BCAS3: variants seen among roughly 807,000 people sequenced by gnomAD.
The protein encoded by BCAS3 is BCAS4/BCAS3 fusion.
A neutral mutation model predicts 116.1 loss-of-function variants in BCAS3; 53 were observed. That is an observed-to-expected ratio of 0.46 (90% confidence interval 0.37 to 0.57). The LOEUF is 0.57. Among genes scored for constraint, BCAS3 ranks in the 20% least tolerant of loss-of-function variants. The pLI is 0.00. For synonymous variants in BCAS3, 391 were observed against 408.2 expected, an observed-to-expected ratio of 0.96 and a Z score of 0.51; for missense variants, 917 against 1,165.4, an observed-to-expected ratio of 0.79 and a Z score of 3.10.
rs1213049619 is a variant in BCAS3 at position 61,004,705 on chromosome 17, A to C, written c.1487-11046A>C. 5.9e-5 allele frequency among the ~76,000 whole-genome samples: 9 copies of C among 152,158 alleles called. No individual in the cohort carries two copies. The highest frequency in any genetic ancestry group is 1.0e-4 in the Non-Finnish European group (7 of 68,006). ...GAGGATGAGAAAAGGAAAAGGATTT[A>C]AGGTTCATTGAAAGAGTTATTAACA... On this transcript the variant is annotated intron_variant, in intron 15 of 23. Transcript: ENST00000407086. This position sits in a 1 kb window ranked among gnomAD's most constrained non-coding sequence, Gnocchi z 4.8.
At chr17:61,240,505 A>AT (rs2047420057) in intron 22 of BCAS3, among the ~76,000 whole-genome samples, 3 of 152,176 alleles carry the variant, frequency 2.0e-5, no homozygotes, top group African/African-American at 7.2e-5. Flanking sequence ...ACAAAAAAAA[A>AT]TAGCCAGGCG....
rs1050669261 is a variant in BCAS3, at chr17:61,323,050, T to G, written c.2426-45277T>G. Among the ~76,000 whole-genome samples, 1 of 151,816 alleles carries G rather than the reference T, an allele frequency of 6.6e-6. No homozygotes were observed. Among genetic ancestry groups the G allele is most frequent in the Admixed American group, 6.6e-5 (1 of 15,242 alleles). On this transcript the variant is annotated intron_variant, in intron 22 of 23. Transcript: ENST00000407086. This position sits in a 1 kb window ranked among gnomAD's most constrained non-coding sequence, Gnocchi z 4.6. ...GCCTTTTGAAAGTGCCACAGTTAAT[T>G]TGATTGAGCTGCTAAGCAGTTGGTT... is the stretch of plus-strand genomic sequence containing the variant.
chr17:60,698,927 G>A (rs1228926484), intron 4 of BCAS3, among the ~76,000 whole-genome samples: 1 of 152,032 alleles, frequency 6.6e-6, no homozygotes, highest in East Asian at 1.9e-4. Flanking sequence ...TGTGGTGGTG[G>A]GCATCTGTAA....
At chr17:60,895,426 T>C (rs991892344) in intron 10 of BCAS3, among the ~76,000 whole-genome samples, 4 of 152,200 alleles carry the variant, frequency 2.6e-5, no homozygotes, top group African/African-American at 9.6e-5. Context: ...TTTCTCATTT[T>C]GTTTATCTGG....
chr17:61,231,705 C>T (rs1046550989), intron 22 of BCAS3, among the ~76,000 whole-genome samples: 2 of 151,642 alleles, frequency 1.3e-5, no homozygotes, highest in Non-Finnish European at 2.9e-5. Flanking sequence ...AGCAAGACAC[C>T]GTCTCTACAA....
At chr17:60,701,242 C>CA (rs999807636) in intron 4 of BCAS3, among the ~76,000 whole-genome samples, 24 of 141,974 alleles carry the variant, frequency 1.7e-4, no homozygotes, top group East Asian at 1.0e-3. Flanking sequence ...AGTCTGTCTC[C>CA]AAAAAAAAAA....
intron 22 of BCAS3, among the ~76,000 whole-genome samples, chr17:61,121,345 A>G (rs2075779669): frequency 6.6e-6 from 1 of 152,114 alleles, no homozygotes; most frequent in Non-Finnish European, 1.5e-5. Context: ...TATGATGTCA[A>G]CATTGTATTA....
At chr17:61,149,595 G>A (rs2077436703) in intron 22 of BCAS3, among the ~76,000 whole-genome samples, 1 of 152,070 alleles carries the variant, frequency 6.6e-6, no homozygotes, top group African/African-American at 2.4e-5. Flanking sequence ...TTGTGAACAG[G>A]GGCAAGGGAG....
intron 7 of BCAS3, among the ~76,000 whole-genome samples, chr17:60,821,331 TAC>T (rs2049949053): frequency 2.3e-5 from 2 of 88,194 alleles, no homozygotes; most frequent in African/African-American, 2.9e-4. Context: ...TGTGAGGTCA[TAC>T]ATACATACAT....
At chr17:61,382,225 G>A (rs1387452447) in intron 23 of BCAS3, among the ~76,000 whole-genome samples, 1 of 151,616 alleles carries the variant, frequency 6.6e-6, no homozygotes, top group East Asian at 2.0e-4. Flanking sequence ...CTACTTGGGA[G>A]GCTGAGGAAG....
intron 12 of BCAS3, among the ~76,000 whole-genome samples, chr17:60,923,277 A>G (rs2059199727): frequency 6.6e-6 from 1 of 152,206 alleles, no homozygotes; most frequent in Admixed American, 6.5e-5. Context: ...TGTTTATGAT[A>G]TTGTATAGCA....
At position 61,364,558 on chromosome 17, in the gene BCAS3, A is replaced by G. The variant is rs1304159803; in HGVS notation, c.2426-3769A>G. Among the ~76,000 whole-genome samples, 2 of 152,190 alleles carry G rather than the reference A, an allele frequency of 1.3e-5. No individual in the cohort carries two copies. Among genetic ancestry groups the G allele is most frequent in the East Asian group, 1.9e-4 (1 of 5,192 alleles). ...TGGTGAAACCCCATCTTGACAAAAAATTAGCTGGGCATGGTGGTGCACACC... is the reference window on the plus strand; with the variant it reads ...TGGTGAAACCCCATCTTGACAAAAAGTTAGCTGGGCATGGTGGTGCACACC... On this transcript the variant is annotated intron_variant, in intron 22 of 23. Coordinates refer to ENST00000407086, the MANE Select transcript of BCAS3 (RefSeq NM_017679.5). This position sits in a 1 kb window ranked among gnomAD's most constrained non-coding sequence, Gnocchi z 5.4.
chr17:61,166,288 A>G (rs926128863), intron 22 of BCAS3, among the ~76,000 whole-genome samples: 2 of 151,850 alleles, frequency 1.3e-5, no homozygotes, highest in Admixed American at 6.6e-5. Context: ...GTTAAAAGGC[A>G]CTTCGTATCA....
intron 8 of BCAS3, among the ~76,000 whole-genome samples, chr17:60,872,873 C>T (rs9747010): frequency 3.0e-4 from 45 of 151,950 alleles, no homozygotes; most frequent in Non-Finnish European, 6.0e-4. Flanking sequence ...CTCTTTGGTT[C>T]CATTGACTCT....
In BCAS3 at chr17:61,141,958, G is replaced by T. The variant is rs1183356795; in HGVS notation, c.2425+57394G>T. Among the ~76,000 whole-genome samples, 1 of 150,334 alleles carries T rather than the reference G, an allele frequency of 6.7e-6. No homozygotes were observed. The highest frequency in any genetic ancestry group is 1.5e-5 in the Non-Finnish European group (1 of 67,802). ...TACAGAGATACTCAAGTTCTTGAAA[G>T]AAGTTTGTTGAGGATAAGATTTATT... On this transcript the variant is annotated intron_variant, in intron 22 of 23. Transcript: ENST00000407086. The surrounding 1 kb of genome is among the most constrained non-coding windows in gnomAD (Gnocchi z 4.3).
chr17:60,965,136 G>A (rs889024516), intron 14 of BCAS3, among the ~76,000 whole-genome samples: 1 of 151,612 alleles, frequency 6.6e-6, no homozygotes, highest in African/African-American at 2.4e-5. Context: ...TTCATTTGAA[G>A]CCTTTCATTT....
chr17:60,692,806 A>AATCATTTGAACCCAGGAGGTGGAGG (rs2035028628), intron 4 of BCAS3, among the ~76,000 whole-genome samples: 2 of 148,412 alleles, frequency 1.3e-5, no homozygotes, highest in Admixed American at 1.4e-4. Flanking sequence ...TGAGGAGGAG[A>AATCATTTGAACCCAGGAGGTGGAGG]ATCGTTTGAA....
chr17:61,002,824 A>G (rs2064345725), intron 15 of BCAS3: 1 of 152,000 alleles, frequency 6.6e-6, no homozygotes, highest in Non-Finnish European at 1.5e-5. Flanking sequence ...GAGTGATTAA[A>G]CTTCATTTTT....
At chr17:60,906,560 G>A (rs2058201601) in intron 11 of BCAS3, among the ~76,000 whole-genome samples, 3 of 152,240 alleles carry the variant, frequency 2.0e-5, no homozygotes, top group South Asian at 4.2e-4. Flanking sequence ...CCTACCTCCT[G>A]CTTCCTAGAA....
Sources: gnomAD v4.1 joint callset for allele counts (sites outside exome capture counted in the v4.1 genomes callset) on GRCh38, gnomAD v4.1.1 for gene constraint, Gnocchi (gnomAD v3.1) non-coding constraint, MANE v1.5 for transcripts, NCBI Gene and HGNC (gene_info 2026-07-23, HGNC 2026-07-21) for gene names.